SYT15B: variants seen among roughly 807,000 people sequenced by gnomAD.
SYT15B encodes synaptotagmin-15.
the SYT15B span, among the ~76,000 whole-genome samples, chr10:47,745,870 G>A: frequency 6.8e-4 from 102 of 150,896 alleles, no homozygotes; most frequent in Non-Finnish European, 1.2e-3. Flanking sequence ...GCTATGTGAC[G>A]TGCTTTGGCC....
chr10:47,762,340 G>C, the SYT15B span, among the ~76,000 whole-genome samples: 2 of 146,904 alleles, frequency 1.4e-5, no homozygotes, highest in Non-Finnish European at 3.0e-5. Flanking sequence ...CTGGCCACCT[G>C]GGGCGGGCCA....
At chr10:47,761,085 AACAC>A in the SYT15B span, among the ~76,000 whole-genome samples, 3 of 120,750 alleles carry the variant, frequency 2.5e-5, no homozygotes, top group African/African-American at 8.9e-5. Flanking sequence ...CATACCAGGC[AACAC>A]ACACACACAC....
the SYT15B span, among the ~76,000 whole-genome samples, chr10:47,755,081 C>T: frequency 1.3e-5 from 2 of 149,276 alleles, no homozygotes; most frequent in Non-Finnish European, 3.0e-5. Context: ...TTCAGCCTCC[C>T]GAGTAGTTGG....
At chr10:47,756,463 C>T in the SYT15B span, among the ~76,000 whole-genome samples, 1,371 of 140,686 alleles carry the variant, frequency 9.7e-3, no homozygotes, top group African/African-American at 0.036. Context: ...AAAGTACCCA[C>T]GGCTCCTGCA....
the SYT15B span, chr10:47,756,162 GAA>G: frequency 2.5e-6 from 1 of 406,658 alleles, no homozygotes; most frequent in Non-Finnish European, 4.1e-6. Context: ...CAGCACAGCT[GAA>G]GTCTTCTTGC....
the SYT15B span, chr10:47,753,151 G>A: frequency 4.1e-6 from 4 of 975,908 alleles, no homozygotes; most frequent in Non-Finnish European, 4.8e-6. Context: ...AAGGAAAAAA[G>A]AGAAAGAGAT....
At chr10:47,751,033 CT>C in the SYT15B span, 1 of 147,300 alleles carries the variant, frequency 6.8e-6, no homozygotes, top group Non-Finnish European at 1.5e-5. Flanking sequence ...TTAAAAAAAT[CT>C]TTTTAACAGC....
At chr10:47,759,952 GCAGGC>G in the SYT15B span, 2 of 1,430,678 alleles carry the variant, frequency 1.4e-6, no homozygotes, top group Non-Finnish European at 1.9e-6. Context: ...GGGAGGGCTG[GCAGGC>G]CAGAGGAAGG....
the SYT15B span, among the ~76,000 whole-genome samples, chr10:47,755,087 G>A: frequency 6.7e-6 from 1 of 149,460 alleles, no homozygotes; most frequent in East Asian, 2.0e-4. Flanking sequence ...CTCCCGAGTA[G>A]TTGGGCCTAC....
the SYT15B span, among the ~76,000 whole-genome samples, chr10:47,755,596 C>T: frequency 7.7e-6 from 1 of 130,562 alleles, no homozygotes; most frequent in Non-Finnish European, 1.6e-5. Flanking sequence ...TCAGCAGCCT[C>T]GCCTCCTGGG....
At chr10:47,751,241 C>A in the SYT15B span, 2 of 145,872 alleles carry the variant, frequency 1.4e-5, no homozygotes, top group South Asian at 2.2e-4. Context: ...AATTTTATAT[C>A]TTGCAACCTT....
chr10:47,749,213 G>A, the SYT15B span, among the ~76,000 whole-genome samples: 5 of 87,082 alleles, frequency 5.7e-5, no homozygotes, highest in East Asian at 3.9e-4. Flanking sequence ...CAGCCTGGGC[G>A]ACAGAGTGAG....
At chr10:47,761,228 T>G in the SYT15B span, among the ~76,000 whole-genome samples, 1 of 148,614 alleles carries the variant, frequency 6.7e-6, no homozygotes, top group Non-Finnish European at 1.5e-5. Context: ...TCTGGACCTG[T>G]TGCTTATGTG....
the SYT15B span, among the ~76,000 whole-genome samples, chr10:47,756,511 C>T: frequency 7.1e-6 from 1 of 140,112 alleles, no homozygotes; most frequent in East Asian, 2.3e-4. Flanking sequence ...GCAAGCCTGT[C>T]CCTCCCTGTT....
At chr10:47,763,523 G>A in the SYT15B span, 2 of 682,944 alleles carry the variant, frequency 2.9e-6, no homozygotes, top group Non-Finnish European at 1.8e-6. Context: ...GGTGGTTATC[G>A]GATGGAGGCC....
At chr10:47,751,090 A>G in the SYT15B span, 1 of 151,382 alleles carries the variant, frequency 6.6e-6, no homozygotes, top group South Asian at 2.1e-4. Context: ...TATAACAACC[A>G]TCAAACTTCA....
the SYT15B span, among the ~76,000 whole-genome samples, chr10:47,748,493 G>T: frequency 6.6e-6 from 1 of 152,078 alleles, no homozygotes; most frequent in African/African-American, 2.4e-5. Context: ...GATTATAGGC[G>T]TGAGCCACCG....
At chr10:47,748,204 C>CTT in the SYT15B span, among the ~76,000 whole-genome samples, 1 of 148,668 alleles carries the variant, frequency 6.7e-6, no homozygotes, top group Non-Finnish European at 1.5e-5. Flanking sequence ...GCACACTATA[C>CTT]TTTTTTTTTA....
the SYT15B span, among the ~76,000 whole-genome samples, chr10:47,745,003 C>G: frequency 5.9e-5 from 9 of 151,938 alleles, no homozygotes; most frequent in African/African-American, 2.2e-4. Flanking sequence ...GATTCCTCCC[C>G]CAAGCCTGGC....
Sources: allele counts gnomAD v4.1 joint callset (sites outside exome capture counted in the v4.1 genomes callset), GRCh38; gene constraint gnomAD v4.1.1; transcripts MANE v1.5; gene names NCBI Gene and HGNC (gene_info 2026-07-23, HGNC 2026-07-21).